RANBP17: variants seen among roughly 807,000 people sequenced by gnomAD.
RANBP17 encodes the protein ran-binding protein 17.
In RANBP17, 158 loss-of-function variants were observed where a neutral mutation model predicts 141.2. The ratio of observed to expected loss-of-function variants is 1.12; its 90% CI spans 0.98 to 1.28. The LOEUF (loss-of-function observed/expected upper bound fraction) is 1.28, where lower values mean the gene tolerates loss of function less well. Ranked by LOEUF, RANBP17 falls within the 50% of genes most tolerant of loss-of-function variation. The pLI is 0.00. For missense variants in RANBP17, 1,438 were observed against 1,290.7 expected (o/e 1.11, Z -1.75); for synonymous variants, 430 against 450.0 (o/e 0.96, Z 0.56).
chr5:171,227,161 A>G (rs1763930965), intron 22 of RANBP17, among the ~76,000 whole-genome samples: 1 of 152,234 alleles, frequency 6.6e-6, no homozygotes, highest in Admixed American at 6.5e-5. Flanking sequence ...AGAAATGATT[A>G]AGCTTAGCGA....
chr5:171,212,577 T>A (rs1305051636), intron 20 of RANBP17, among the ~76,000 whole-genome samples: 1 of 152,198 alleles, frequency 6.6e-6, no homozygotes, highest in Admixed American at 6.5e-5. Context: ...AACACCGTGC[T>A]ACGGAGTTTG....
chr5:171,148,399 T>A lies in RANBP17; in HGVS notation c.1711-21731T>A, dbSNP rs992501531. ...AGAATTATCAATAAAAAAATAAATT[T>A]AAAAAAAAAATTTTTAATCTCAGAT... On this transcript the variant is annotated intron_variant, in intron 14 of 27. Transcript: ENST00000523189. 8.3e-4 allele frequency among the ~76,000 whole-genome samples: 125 copies of A among 151,302 alleles called. 1 individual carries two copies. The highest frequency in any genetic ancestry group is 3.3e-3 in the South Asian group (16 of 4,782).
At chr5:170,958,630 C>T (rs1775915763) in intron 13 of RANBP17, among the ~76,000 whole-genome samples, 1 of 152,136 alleles carries the variant, frequency 6.6e-6, no homozygotes, top group South Asian at 2.1e-4. Flanking sequence ...CTGTGACTTT[C>T]TATAAGTTAT....
intron 14 of RANBP17, among the ~76,000 whole-genome samples, chr5:171,038,461 G>A (rs988136066): frequency 6.6e-6 from 1 of 151,964 alleles, no homozygotes; most frequent in African/African-American, 2.4e-5. Context: ...CCTGAATGCT[G>A]TGGCGAGGGC....
chr5:170,949,065 C>T (rs988560935), intron 12 of RANBP17, among the ~76,000 whole-genome samples: 3 of 152,000 alleles, frequency 2.0e-5, no homozygotes, highest in African/African-American at 7.2e-5. Context: ...TCACTTTTGC[C>T]TGGGATTTAG....
intron 19 of RANBP17, among the ~76,000 whole-genome samples, chr5:171,200,742 A>T (rs1762250725): frequency 6.6e-6 from 1 of 152,228 alleles, no homozygotes; most frequent in African/African-American, 2.4e-5. Context: ...TAGAAAAATG[A>T]CACCCTTTGA....
intron 14 of RANBP17, among the ~76,000 whole-genome samples, chr5:171,088,885 C>T (rs918517679): frequency 3.5e-4 from 53 of 152,020 alleles, no homozygotes; most frequent in Admixed American, 2.4e-3. Flanking sequence ...TCAAAGTTTT[C>T]AACTTCTTTG....
At chr5:171,165,792 G>GT (rs1220122820) in intron 14 of RANBP17, among the ~76,000 whole-genome samples, 1 of 152,112 alleles carries the variant, frequency 6.6e-6, no homozygotes, top group Non-Finnish European at 1.5e-5. Context: ...AGAAGTGCCC[G>GT]TAACAGGCTG....
At chr5:170,894,106 T>C (rs1561863215) in intron 4 of RANBP17, among the ~76,000 whole-genome samples, 1 of 152,200 alleles carries the variant, frequency 6.6e-6, no homozygotes, top group Non-Finnish European at 1.5e-5. Flanking sequence ...TTCTTAGCTC[T>C]GAGGAGATCA....
intron 25 of RANBP17, among the ~76,000 whole-genome samples, chr5:171,285,630 T>C (rs1768128532): frequency 6.6e-6 from 1 of 152,238 alleles, no homozygotes; most frequent in Non-Finnish European, 1.5e-5. Flanking sequence ...TGGTTTTATT[T>C]TAATGCAGCA....
chr5:171,144,811 TC>T (rs1236494976), intron 14 of RANBP17, among the ~76,000 whole-genome samples: 1 of 152,192 alleles, frequency 6.6e-6, no homozygotes, highest in Non-Finnish European at 1.5e-5. Flanking sequence ...GTCATGATCT[TC>T]TTTGGATGTC....
intron 24 of RANBP17, chr5:171,251,881 G>C (rs1250291585): frequency 6.7e-7 from 1 of 1,497,976 alleles, no homozygotes; most frequent in East Asian, 2.3e-5. Flanking sequence ...TTCGGCATTA[G>C]AGAAGGAGAT....
At chr5:171,010,964 G>A (rs994525503) in intron 14 of RANBP17, among the ~76,000 whole-genome samples, 4 of 151,982 alleles carry the variant, frequency 2.6e-5, no homozygotes, top group African/African-American at 4.8e-5. Flanking sequence ...TTTCACTGAC[G>A]AATTCTATCA....
chr5:171,257,724 T>C (rs1044489912), intron 24 of RANBP17, among the ~76,000 whole-genome samples: 1 of 152,166 alleles, frequency 6.6e-6, no homozygotes, highest in Admixed American at 6.5e-5. Context: ...AGAAAATCAT[T>C]GTACAAAAAT....
At chr5:171,228,080 T>C (rs575541693) in intron 22 of RANBP17, among the ~76,000 whole-genome samples, 2 of 152,278 alleles carry the variant, frequency 1.3e-5, no homozygotes, top group South Asian at 4.1e-4. Flanking sequence ...GATCAAGGAG[T>C]AATTTTGACT....
rs530711138 is a variant in RANBP17, at chr5:170,917,885, A to G, written c.955-828A>G. Among the ~76,000 whole-genome samples, 5 of 152,258 alleles carry G rather than the reference A, an allele frequency of 3.3e-5. No homozygotes were observed. The East Asian group carries it at 5.8e-4, about 18-fold the overall frequency. Reference sequence around the variant, plus strand: ...AATCACAAACATGTTTTAAAGATGTATGATTACAAAATTTTTTTGGTTATT... The same window carrying G: ...AATCACAAACATGTTTTAAAGATGTGTGATTACAAAATTTTTTTGGTTATT... On this transcript the variant is annotated intron_variant, in intron 9 of 27. Transcript: ENST00000523189.
At chr5:171,223,296 T>G (rs971265864) in intron 22 of RANBP17, among the ~76,000 whole-genome samples, 2 of 152,212 alleles carry the variant, frequency 1.3e-5, no homozygotes, top group African/African-American at 4.8e-5. Flanking sequence ...AGTAACTACA[T>G]TGCCACAACT....
intron 5 of RANBP17, among the ~76,000 whole-genome samples, chr5:170,905,869 A>G (rs1429066810): frequency 1.3e-5 from 2 of 152,154 alleles, no homozygotes; most frequent in African/African-American, 4.8e-5. Flanking sequence ...TGCCCTGGAA[A>G]TGAGAGTTTG....
chr5:171,099,760 A>G (rs1434945098), intron 14 of RANBP17, among the ~76,000 whole-genome samples: 1 of 152,094 alleles, frequency 6.6e-6, no homozygotes, highest in Non-Finnish European at 1.5e-5. Context: ...AGCTCTTACT[A>G]TTTTGAGATA....
Sources: gnomAD v4.1 joint callset for allele counts (sites outside exome capture counted in the v4.1 genomes callset) on GRCh38, gnomAD v4.1.1 for gene constraint, MANE v1.5 for transcripts, NCBI Gene and HGNC (gene_info 2026-07-23, HGNC 2026-07-21) for gene names.